The following NCOA2 variants were observed in gnomAD, a reference collection of about 807,000 sequenced individuals.
NCOA2 encodes the protein nuclear receptor coactivator 2.
In NCOA2, 21 loss-of-function variants were observed where a neutral mutation model predicts 145.1. The ratio of observed to expected loss-of-function variants is 0.14; its 90% CI spans 0.10 to 0.21. The LOEUF (loss-of-function observed/expected upper bound fraction) is 0.21. NCOA2 is among the 10% of genes least tolerant of loss of function. The probability of loss-of-function intolerance (pLI) is 1.00; values close to 1 mark genes in which losing one functional copy is unlikely to be tolerated. For synonymous variants in NCOA2, 619 were observed against 637.5 expected, an observed-to-expected ratio of 0.97 and a Z score of 0.44; for missense variants, 1,472 against 1,837.6, an observed-to-expected ratio of 0.80 and a Z score of 3.64.
intron 2 of NCOA2, among the ~76,000 whole-genome samples, chr8:70,283,001 C>A (rs1449056942): frequency 6.6e-6 from 1 of 152,162 alleles, no homozygotes; most frequent in Non-Finnish European, 1.5e-5. Flanking sequence ...ATCCAGAAGG[C>A]CACCCACAAG....
At chr8:70,273,669 G>A in intron 2 of NCOA2, 7 of 686,276 alleles carry the variant, frequency 1.0e-5, no homozygotes, top group South Asian at 8.1e-5. Flanking sequence ...ATGCTACCCA[G>A]AATCTTAAAC....
At chr8:70,271,225 T>C (rs1049853181) in intron 2 of NCOA2, among the ~76,000 whole-genome samples, 2 of 152,232 alleles carry the variant, frequency 1.3e-5, no homozygotes, top group Non-Finnish European at 2.9e-5. Context: ...AGATACAGTA[T>C]AGTAAATGAC....
intron 1 of NCOA2, among the ~76,000 whole-genome samples, chr8:70,330,111 C>T (rs1806953936): frequency 6.6e-6 from 1 of 151,844 alleles, no homozygotes; most frequent in South Asian, 2.1e-4. Flanking sequence ...AGTTATTTAA[C>T]CTATCTAAAC....
chr8:70,380,670 A>G (rs907487048), intron 1 of NCOA2, among the ~76,000 whole-genome samples: 1 of 152,064 alleles, frequency 6.6e-6, no homozygotes, highest in African/African-American at 2.4e-5. Context: ...TAATTGCACT[A>G]TTATTACGCT....
At chr8:70,439,081 G>A in the NCOA2 span, among the ~76,000 whole-genome samples, 2 of 152,186 alleles carry the variant, frequency 1.3e-5, no homozygotes, top group African/African-American at 2.4e-5. Flanking sequence ...GCTGTGTATA[G>A]GTCCTATAAT....
chr8:70,423,692 C>T, the NCOA2 span, among the ~76,000 whole-genome samples: 44 of 152,180 alleles, frequency 2.9e-4, no homozygotes, highest in Admixed American at 2.7e-3. Flanking sequence ...CATGTCACCA[C>T]CCAGTGAGGG....
At chr8:70,186,374 C>T (rs1480445791) in intron 4 of NCOA2, among the ~76,000 whole-genome samples, 1 of 152,174 alleles carries the variant, frequency 6.6e-6, no homozygotes, top group Admixed American at 6.5e-5. Flanking sequence ...TCCCTCCTCA[C>T]TTTCCTCCCC....
At chr8:70,447,038 A>G in the NCOA2 span, among the ~76,000 whole-genome samples, 1 of 152,240 alleles carries the variant, frequency 6.6e-6, no homozygotes, top group African/African-American at 2.4e-5. Context: ...CACACATACT[A>G]CAGTGATAAT....
rs142021647 is a variant in NCOA2 at position 70,141,424 on chromosome 8, A to G, written c.2813-25T>C. The G allele has an allele frequency of 7.3e-4, 1,162 of 1,593,644 alleles. 13 individuals carry two copies. The East Asian group carries it at 0.023, about 32-fold the overall frequency. On this transcript the variant is annotated intron_variant, in intron 13 of 22. Transcript: ENST00000452400. Reference sequence around the variant, plus strand: ...CCTGCATGCAAGCCAAAGAAAACTGAGAGATGCAGTAACTGAAAACATATT... The same window carrying G: ...CCTGCATGCAAGCCAAAGAAAACTGGGAGATGCAGTAACTGAAAACATATT...
At chr8:70,170,110 T>C (rs1267568682) in intron 6 of NCOA2, 92 bp downstream of exon 6, 1 of 1,210,260 alleles carries the variant, frequency 8.3e-7, no homozygotes, top group Non-Finnish European at 1.2e-6. Flanking sequence ...AATATAGTTT[T>C]ATTTGATCCA....
chr8:70,309,662 T>C (rs1366766627), intron 1 of NCOA2, among the ~76,000 whole-genome samples: 1 of 152,154 alleles, frequency 6.6e-6, no homozygotes, highest in Non-Finnish European at 1.5e-5. Context: ...CAAAAATTGC[T>C]AGCCTTGGCC....
intron 22 of NCOA2, among the ~76,000 whole-genome samples, chr8:70,118,743 C>T (rs142355307): frequency 6.7e-6 from 1 of 148,924 alleles, no homozygotes; most frequent in Admixed American, 6.7e-5. Context: ...TGCTGGAGTG[C>T]AACGGCATGA....
intron 2 of NCOA2, among the ~76,000 whole-genome samples, chr8:70,223,532 T>C (rs1439960049): frequency 1.3e-5 from 2 of 152,214 alleles, no homozygotes; most frequent in African/African-American, 4.8e-5. Flanking sequence ...ATTTGATATG[T>C]ATGTATATAT....
chr8:70,256,174 C>CA (rs893662111), intron 2 of NCOA2, among the ~76,000 whole-genome samples: 2 of 152,154 alleles, frequency 1.3e-5, no homozygotes, highest in Non-Finnish European at 2.9e-5. Flanking sequence ...ATTGGCCAGC[C>CA]ACTCACCACC....
the NCOA2 span, among the ~76,000 whole-genome samples, chr8:70,429,861 GT>G: frequency 3.3e-5 from 5 of 152,080 alleles, no homozygotes; most frequent in Non-Finnish European, 5.9e-5. Flanking sequence ...TTTTGTGTGT[GT>G]GGGGTTTTTG....
In NCOA2 at chr8:70,166,727, G is replaced by C. The variant is rs1563557269; in HGVS notation, c.569C>G (p.Pro190Arg). The change falls in exon 7 of 23, where the codon CCT (proline) becomes CGT (arginine). Residue 190 changes from proline to arginine, a missense_variant. Around this residue, in one of 4 missense-constraint regions of NCOA2, gnomAD observed 284 missense variants for 467.8 expected, o/e 0.61. Transcript: ENST00000452400. ...GAAGGTATGGCTGTTCCGCCTCGGAGGTTCGCCAGACCAAGATCCCCCATT... is the reference window on the plus strand; with the variant it reads ...GAAGGTATGGCTGTTCCGCCTCGGACGTTCGCCAGACCAAGATCCCCCATT... ...IVNGGSWSGE[P>R]PRRNSHTFNC... The C allele has an allele frequency of 6.2e-7, 1 of 1,613,970 alleles. No individual in the cohort carries two copies.
At chr8:70,422,389 T>C in the NCOA2 span, among the ~76,000 whole-genome samples, 1 of 151,264 alleles carries the variant, frequency 6.6e-6, no homozygotes, top group Admixed American at 6.6e-5. Context: ...GAATTATTTC[T>C]CAAAATGCTG....
At chr8:70,326,470 CAT>C (rs751078547) in intron 1 of NCOA2, among the ~76,000 whole-genome samples, 29 of 150,966 alleles carry the variant, frequency 1.9e-4, no homozygotes, top group East Asian at 1.9e-4. Context: ...CACACACACA[CAT>C]GCACACACAC....
intron 2 of NCOA2, among the ~76,000 whole-genome samples, chr8:70,241,273 C>T (rs930755022): frequency 6.6e-6 from 1 of 152,032 alleles, no homozygotes; most frequent in Non-Finnish European, 1.5e-5. Flanking sequence ...CTTTCAGATC[C>T]CAGAACTACA....
Sources: gnomAD v4.1 joint callset for allele counts (sites outside exome capture counted in the v4.1 genomes callset) on GRCh38, gnomAD v4.1.1 for gene constraint, gnomAD v4.1.1 regional missense constraint, MANE v1.5 for transcripts, NCBI Gene and HGNC (gene_info 2026-07-23, HGNC 2026-07-21) for gene names.